KCNMA1: variants seen among roughly 807,000 people sequenced by gnomAD.
The protein encoded by KCNMA1 is potassium calcium-activated channel subfamily M alpha 1.
KCNMA1 carries 29 observed loss-of-function variants against 140.0 expected under a neutral mutation model. The observed-to-expected ratio is 0.21, with a 90% confidence interval of 0.15 to 0.28. The LOEUF (loss-of-function observed/expected upper bound fraction) is 0.28. KCNMA1 is among the 10% of genes least tolerant of loss of function. The probability of loss-of-function intolerance (pLI) is 1.00; values close to 1 mark genes in which losing one functional copy is unlikely to be tolerated. For synonymous variants in KCNMA1, 612 were observed against 611.9 expected, an observed-to-expected ratio of 1.00 and a Z score of 0.00; for missense variants, 880 against 1,602.2, an observed-to-expected ratio of 0.55 and a Z score of 7.70.
At chr10:76,909,411 T>C (rs951449517) in intron 25 of KCNMA1, among the ~76,000 whole-genome samples, 1 of 152,126 alleles carries the variant, frequency 6.6e-6, no homozygotes, top group Non-Finnish European at 1.5e-5. Flanking sequence ...ATTATGTCAC[T>C]CTCCAACTAA....
At chr10:77,145,155 G>A (rs1370987221) in intron 5 of KCNMA1, among the ~76,000 whole-genome samples, 1 of 152,154 alleles carries the variant, frequency 6.6e-6, no homozygotes, top group African/African-American at 2.4e-5. Flanking sequence ...CTAGGACCCT[G>A]TAGGTGTGGC....
chr10:77,473,575 G>A (rs551671461), intron 1 of KCNMA1, among the ~76,000 whole-genome samples: 14 of 152,316 alleles, frequency 9.2e-5, no homozygotes, highest in African/African-American at 2.4e-4. Flanking sequence ...AGGGGCCTCC[G>A]TGGATGGAAA....
chr10:77,455,745 G>GC (rs1566946757), intron 1 of KCNMA1, among the ~76,000 whole-genome samples: 1 of 152,090 alleles, frequency 6.6e-6, no homozygotes, highest in Non-Finnish European at 1.5e-5. Context: ...GAAATGACCA[G>GC]CCCCTGGGCC....
intron 5 of KCNMA1, 78 bp downstream of exon 5, chr10:77,183,343 C>T: frequency 1.1e-6 from 1 of 913,284 alleles, no homozygotes; most frequent in South Asian, 1.3e-5. Flanking sequence ...GGGAGACAGC[C>T]CCCTCATCCA....
intron 1 of KCNMA1, among the ~76,000 whole-genome samples, chr10:77,461,867 C>T (rs971879424): frequency 1.3e-5 from 2 of 152,184 alleles, no homozygotes; most frequent in African/African-American, 4.8e-5. Context: ...GGGACATGTC[C>T]TGTTCATGCC....
intron 1 of KCNMA1, among the ~76,000 whole-genome samples, chr10:77,499,420 T>TACACACACAC (rs1385530376): frequency 7.0e-6 from 1 of 142,726 alleles, no homozygotes; most frequent in Non-Finnish European, 1.5e-5. Context: ...TATATATATA[T>TACACACACAC]ATACACACAC....
chr10:77,502,228 C>T (rs1467965815), intron 1 of KCNMA1, among the ~76,000 whole-genome samples: 4 of 152,220 alleles, frequency 2.6e-5, no homozygotes, highest in Non-Finnish European at 2.9e-5. Context: ...CACTGACAAT[C>T]GTGATTCTGA....
Position 77,584,208 on chromosome 10 carries a change from C to T in KCNMA1, c.378+53057G>A, listed in dbSNP as rs756504543. 2.8e-4 allele frequency among the ~76,000 whole-genome samples: 43 copies of T among 152,184 alleles called. 1 individual carries two copies. The highest frequency in any genetic ancestry group is 2.2e-3 in the Admixed American group (33 of 15,270). On this transcript the variant is annotated intron_variant, in intron 1 of 27. Transcript: ENST00000286628. ...TCCACAGTGCTTTATAACCACCCAA[C>T]CACCTTAGACGGGGCCTTGGTATTC...
At chr10:77,626,023 AT>A (rs5786299) in intron 1 of KCNMA1, among the ~76,000 whole-genome samples, 81,146 of 147,312 alleles carry the variant, frequency 0.55, 22,620 homozygotes, top group African/African-American at 0.68. Flanking sequence ...GTGATTTTCT[AT>A]TTTTTTTTTT....
chr10:77,352,067 AT>A (rs1262811199), intron 2 of KCNMA1, among the ~76,000 whole-genome samples: 1 of 152,200 alleles, frequency 6.6e-6, no homozygotes, highest in Non-Finnish European at 1.5e-5. Flanking sequence ...CACAAACAAG[AT>A]CCTATGCTGG....
chr10:77,085,006 A>G (rs1220596434), intron 11 of KCNMA1, among the ~76,000 whole-genome samples: 3 of 152,160 alleles, frequency 2.0e-5, no homozygotes, highest in Non-Finnish European at 4.4e-5. Flanking sequence ...ATTTCTTTAA[A>G]TAACAATTAA....
chr10:77,425,699 T>C (rs538873753), intron 1 of KCNMA1, among the ~76,000 whole-genome samples: 1 of 152,296 alleles, frequency 6.6e-6, no homozygotes, highest in African/African-American at 2.4e-5. Context: ...TCCCCAAGGC[T>C]GAACTGGATG....
intron 20 of KCNMA1, among the ~76,000 whole-genome samples, chr10:76,967,602 C>T (rs1404760122): frequency 6.6e-6 from 1 of 152,114 alleles, no homozygotes; most frequent in Non-Finnish European, 1.5e-5. Context: ...ATGTGGAGCA[C>T]CTGGGACATA....
intron 1 of KCNMA1, among the ~76,000 whole-genome samples, chr10:77,478,503 G>T (rs2098324718): frequency 6.6e-6 from 1 of 152,182 alleles, no homozygotes; most frequent in Non-Finnish European, 1.5e-5. Context: ...ACCACAGAGT[G>T]CTGGAGACAA....
chr10:77,174,575 T>G (rs1467901600), intron 5 of KCNMA1, among the ~76,000 whole-genome samples: 1 of 152,186 alleles, frequency 6.6e-6, no homozygotes, highest in South Asian at 2.1e-4. Flanking sequence ...AATAGGCAAA[T>G]GTGGCTAGGA....
intron 15 of KCNMA1, among the ~76,000 whole-genome samples, chr10:77,037,044 T>C (rs1423948534): frequency 6.6e-6 from 1 of 152,212 alleles, no homozygotes; most frequent in Non-Finnish European, 1.5e-5. Flanking sequence ...CCAGAAACTT[T>C]ACTGAGCAAA....
At chr10:77,082,628 T>C (rs1417509149) in intron 12 of KCNMA1, among the ~76,000 whole-genome samples, 2 of 152,162 alleles carry the variant, frequency 1.3e-5, no homozygotes, top group Non-Finnish European at 2.9e-5. Context: ...TTGAAAATCC[T>C]TCCTACTTCA....
At chr10:77,149,223 A>G (rs1205564886) in intron 5 of KCNMA1, among the ~76,000 whole-genome samples, 2 of 152,188 alleles carry the variant, frequency 1.3e-5, no homozygotes, top group African/African-American at 4.8e-5. Flanking sequence ...TATTTAACCT[A>G]AGGGGAGAAG....
intron 1 of KCNMA1, among the ~76,000 whole-genome samples, chr10:77,595,471 C>T (rs1603638014): frequency 6.6e-6 from 1 of 151,626 alleles, no homozygotes; most frequent in South Asian, 2.1e-4. Flanking sequence ...ACATGGACTT[C>T]GGGGCCCCAT....
Sources: allele counts gnomAD v4.1 joint callset (sites outside exome capture counted in the v4.1 genomes callset), GRCh38; gene constraint gnomAD v4.1.1; transcripts MANE v1.5; gene names NCBI Gene and HGNC (gene_info 2026-07-23, HGNC 2026-07-21).